The following CATSPERE variants were observed in gnomAD, a reference collection of about 807,000 sequenced individuals.
CATSPERE encodes the protein catsper channel auxiliary subunit epsilon.
In CATSPERE, 93 loss-of-function variants were observed where a neutral mutation model predicts 114.1. That is an observed-to-expected ratio of 0.81 (90% CI 0.69 to 0.97). CATSPERE has a LOEUF of 0.97. Ranked by LOEUF, CATSPERE falls within the 50% of genes least tolerant of loss-of-function variation. The pLI is 0.00. For synonymous variants in CATSPERE, 341 were observed against 384.1 expected, an observed-to-expected ratio of 0.89 and a Z score of 1.31; for missense variants, 1,058 against 1,131.6, an observed-to-expected ratio of 0.93 and a Z score of 0.93.
At chr1:244,464,974 G>T (rs184580732) in intron 2 of CATSPERE, among the ~76,000 whole-genome samples, 116 of 137,196 alleles carry the variant, frequency 8.5e-4, no homozygotes, top group Admixed American at 1.5e-3. Context: ...AAAAAAAAAA[G>T]CTGAATTTTG....
At chr1:244,596,767 A>C (rs1237893766) in intron 17 of CATSPERE, among the ~76,000 whole-genome samples, 1 of 145,490 alleles carries the variant, frequency 6.9e-6, no homozygotes. Context: ...CCAGAACCTA[A>C]AGTAAAATTT....
chr1:244,607,769 G>T lies in CATSPERE; in HGVS notation c.2403+1975G>T, dbSNP rs560282835. On this transcript the variant is annotated intron_variant, in intron 18 of 21. Coordinates refer to ENST00000366534, the MANE Select transcript of CATSPERE (RefSeq NM_001130957.2). The surrounding 1 kb of genome is among the most constrained non-coding windows in gnomAD (Gnocchi z 4.4). Reference sequence around the variant, plus strand: ...ATTCACTGCTTTGAGGAGAGGCACCGTCAGAACCATCTAACCAGGGACATC... The same window carrying T: ...ATTCACTGCTTTGAGGAGAGGCACCTTCAGAACCATCTAACCAGGGACATC... 3.9e-5 allele frequency among the ~76,000 whole-genome samples: 6 copies of T among 152,276 alleles called. 1 individual carries two copies. In the South Asian group the frequency reaches 1.2e-3, roughly 32 times the overall value.
chr1:244,595,388 T>C (rs1211306724), intron 17 of CATSPERE, among the ~76,000 whole-genome samples: 1 of 152,208 alleles, frequency 6.6e-6, no homozygotes, highest in Admixed American at 6.5e-5. Flanking sequence ...GTCTTATGGA[T>C]AATGAGTATT....
In CATSPERE at chr1:244,477,896, T is replaced by A; in HGVS notation, c.189-10T>A. 6.3e-7 allele frequency: 1 copy of A among 1,594,880 alleles called. No homozygotes were observed. Among genetic ancestry groups the A allele is most frequent in the East Asian group, 2.2e-5 (1 of 44,626 alleles). The stretch of plus-strand genomic sequence containing the variant: ...CTATAATTATTCTTTCTCATCTTTT[T>A]AAACACTAGCTCACCCACGACAGAA... On this transcript the variant is annotated splice_polypyrimidine_tract_variant and intron_variant, in intron 3 of 21. Coordinates refer to ENST00000366534, the MANE Select transcript of CATSPERE (RefSeq NM_001130957.2).
In CATSPERE at chr1:244,622,401, C is replaced by CT. The variant is rs142928066; in HGVS notation, c.2648+4735dup. The stretch of plus-strand genomic sequence containing the variant: ...AATAACCTTAATTTTCTTTCCTTTT[C>CT]TTTTTTTTTTTTTTTTTTTTGAGAC... On this transcript the variant is annotated intron_variant, in intron 20 of 21. Transcript: ENST00000366534. Among the ~76,000 whole-genome samples the CT allele has an allele frequency of 1.7e-3, 154 of 90,564 alleles. 2 individuals are homozygous for CT. The highest frequency in any genetic ancestry group is 5.8e-3 in the African/African-American group (145 of 24,852). The allele number at this position is 90,564 out of a possible 152,430, so 59.4% of individuals were successfully genotyped here. A position where few individuals can be genotyped will look rare whatever the true frequency, so the allele number is the denominator to read the frequency against.
rs770915648 is a variant in CATSPERE, at chr1:244,626,845, C to G, written c.2649-8644C>G. Among the ~76,000 whole-genome samples, 15 of 152,326 alleles carry G rather than the reference C, an allele frequency of 9.8e-5. No individual in the cohort carries two copies. The East Asian group carries it at 2.7e-3, about 27-fold the overall frequency. On this transcript the variant is annotated intron_variant, in intron 20 of 21. Transcript: ENST00000366534. ...TGATTATCTGTCCAGACCATTCAAACTTTCTCTATATCCGTAATAAGGCTG... is the reference window on the plus strand; with the variant it reads ...TGATTATCTGTCCAGACCATTCAAAGTTTCTCTATATCCGTAATAAGGCTG...
intron 5 of CATSPERE, among the ~76,000 whole-genome samples, chr1:244,485,958 AG>A (rs1199879845): frequency 6.6e-6 from 1 of 151,956 alleles, no homozygotes. Context: ...GGCCTCCAAA[AG>A]CACTGGGAGC....
intron 7 of CATSPERE, 75 bp downstream of exon 7, chr1:244,499,154 A>G: frequency 2.7e-6 from 3 of 1,106,946 alleles, no homozygotes; most frequent in South Asian, 2.6e-5. Flanking sequence ...TGAAAAATTT[A>G]TAATCAATAG....
chr1:244,556,400 G>A (rs1661581258), intron 9 of CATSPERE, among the ~76,000 whole-genome samples: 1 of 152,130 alleles, frequency 6.6e-6, no homozygotes, highest in Admixed American at 6.6e-5. Flanking sequence ...GTATAACTCA[G>A]TCTAAACACA....
chr1:244,473,091 C>G (rs1668742598), intron 2 of CATSPERE, among the ~76,000 whole-genome samples: 1 of 152,198 alleles, frequency 6.6e-6, no homozygotes, highest in African/African-American at 2.4e-5. Context: ...CATTCATGGA[C>G]AGGTTTTCGT....
intron 19 of CATSPERE, 36 bp from the exon 20 acceptor site, chr1:244,617,493 A>T (rs1671545618): frequency 1.1e-5 from 16 of 1,448,806 alleles, no homozygotes; most frequent in Non-Finnish European, 1.5e-5. Flanking sequence ...AAGTCATAAA[A>T]TGACCTTAAA....
chr1:244,519,493 C>T (rs911905595), intron 8 of CATSPERE, among the ~76,000 whole-genome samples: 2 of 152,156 alleles, frequency 1.3e-5, no homozygotes, highest in South Asian at 2.1e-4. Context: ...ATGCTCTCCC[C>T]GTGTCTGCGT....
chr1:244,625,963 G>A (rs1192664845), intron 20 of CATSPERE, among the ~76,000 whole-genome samples: 1 of 151,832 alleles, frequency 6.6e-6, no homozygotes, highest in Non-Finnish European at 1.5e-5. Flanking sequence ...AAAATAGTGA[G>A]TAAAGCATTC....
Position 244,585,029 on chromosome 1 carries a change from C to T in CATSPERE, c.2085+1090C>T, listed in dbSNP as rs554431590. The stretch of plus-strand genomic sequence containing the variant: ...CCCTCTTCCTTTATGGATGCCTTCC[C>T]GAAGCACCGTGGTTTCCTCCAGCCC... On this transcript the variant is annotated intron_variant, in intron 13 of 21. Transcript: ENST00000366534. Among the ~76,000 whole-genome samples the T allele has an allele frequency of 5.3e-5, 8 of 152,242 alleles. No homozygotes were observed. The South Asian group carries it at 8.3e-4, about 16-fold the overall frequency.
chr1:244,488,978 A>G (rs1286353293), intron 5 of CATSPERE, among the ~76,000 whole-genome samples: 3 of 152,198 alleles, frequency 2.0e-5, no homozygotes, highest in African/African-American at 4.8e-5. Flanking sequence ...AATGTACTAG[A>G]CACTGCAGTA....
intron 8 of CATSPERE, among the ~76,000 whole-genome samples, chr1:244,548,976 G>A (rs931340516): frequency 3.3e-5 from 5 of 152,126 alleles, no homozygotes; most frequent in Non-Finnish European, 7.3e-5. Flanking sequence ...ACCACTTTGG[G>A]CTCCTCATGG....
chr1:244,634,308 T>C (rs1029459917), intron 20 of CATSPERE, among the ~76,000 whole-genome samples: 1 of 152,204 alleles, frequency 6.6e-6, no homozygotes, highest in Non-Finnish European at 1.5e-5. Context: ...GAAAATTGCT[T>C]ACTCTTTTTG....
chr1:244,493,159 CAA>C (rs1357687532), intron 6 of CATSPERE, among the ~76,000 whole-genome samples: 1 of 152,134 alleles, frequency 6.6e-6, no homozygotes, highest in Non-Finnish European at 1.5e-5. Flanking sequence ...GCCAAAAGAA[CAA>C]AGCTGGAGGC....
intron 17 of CATSPERE, among the ~76,000 whole-genome samples, chr1:244,593,796 A>G (rs568234689): frequency 6.6e-6 from 1 of 152,270 alleles, no homozygotes; most frequent in South Asian, 2.1e-4. Flanking sequence ...TTCAATGGGT[A>G]AGAGAGCTGA....
Sources: gnomAD v4.1 joint callset for allele counts (sites outside exome capture counted in the v4.1 genomes callset) on GRCh38, gnomAD v4.1.1 for gene constraint, Gnocchi (gnomAD v3.1) non-coding constraint, MANE v1.5 for transcripts, NCBI Gene and HGNC (gene_info 2026-07-23, HGNC 2026-07-21) for gene names.